Variants in ZFHX3 observed in about 807,000 individuals in gnomAD.
ZFHX3 encodes the protein zinc finger homeobox 3.
ZFHX3 carries 42 observed loss-of-function variants against 279.1 expected under a neutral mutation model. The observed-to-expected ratio is 0.15, with a 90% CI of 0.12 to 0.19. ZFHX3 has a LOEUF of 0.19. ZFHX3 is among the 10% of genes least tolerant of loss of function. The pLI, the probability that ZFHX3 is intolerant of heterozygous loss-of-function variation, is 1.00. For synonymous variants in ZFHX3, 2,293 were observed against 1,957.8 expected (o/e 1.17, Z -4.52); for missense variants, 4,981 against 4,754.0 (o/e 1.05, Z -1.40).
rs899387386 is a variant in ZFHX3 at position 72,908,967 on chromosome 16, C to T, written c.3217-19005G>A. Among the ~76,000 whole-genome samples, 10 of 152,306 alleles carry T rather than the reference C, an allele frequency of 6.6e-5. No homozygotes were observed. The South Asian group carries it at 8.3e-4, about 13-fold the overall frequency. Reference sequence around the variant, plus strand: ...AGCACTGTCCTTCCCATAGAAACGGCGAAAGCTACTCAGTCTGCTGAATAA... The same window carrying T: ...AGCACTGTCCTTCCCATAGAAACGGTGAAAGCTACTCAGTCTGCTGAATAA... On this transcript the variant is annotated intron_variant, in intron 3 of 9. Coordinates refer to ENST00000268489, the MANE Select transcript of ZFHX3 (RefSeq NM_006885.4).
At chr16:73,451,314 C>G (rs1056741548) in intron 3 of ZFHX3, among the ~76,000 whole-genome samples, 1 of 152,196 alleles carries the variant, frequency 6.6e-6, no homozygotes, top group African/African-American at 2.4e-5. Context: ...TGAAGGGCAA[C>G]TAAGAATCGA....
At chr16:73,414,355 A>G (rs899029545) in intron 3 of ZFHX3, among the ~76,000 whole-genome samples, 6 of 152,238 alleles carry the variant, frequency 3.9e-5, no homozygotes, top group Non-Finnish European at 5.9e-5. Flanking sequence ...TATGGAATTC[A>G]CAGTACAGCA....
intron 3 of ZFHX3, among the ~76,000 whole-genome samples, chr16:73,443,968 C>T (rs2018139151): frequency 6.6e-6 from 1 of 151,898 alleles, no homozygotes. Context: ...TTTATGATGC[C>T]CAGGCTGGTC....
At chr16:73,376,261 T>C (rs1355275482) in intron 3 of ZFHX3, among the ~76,000 whole-genome samples, 1 of 152,248 alleles carries the variant, frequency 6.6e-6, no homozygotes, top group Non-Finnish European at 1.5e-5. Flanking sequence ...TGCTGGATCA[T>C]AATTGCTGAA....
intron 2 of ZFHX3, among the ~76,000 whole-genome samples, chr16:73,616,070 T>G (rs1311775745): frequency 6.6e-6 from 1 of 152,004 alleles, no homozygotes; most frequent in Non-Finnish European, 1.5e-5. Flanking sequence ...CGGAGGGTAT[T>G]GTTTTTGATA....
rs1187730091 is a variant in ZFHX3, at chr16:72,794,843, A to T, written c.7839T>A (p.Thr2613=). The T allele has an allele frequency of 3.1e-6, 5 of 1,613,670 alleles. No individual in the cohort carries two copies. In the South Asian group the frequency reaches 4.4e-5, roughly 14 times the overall value. ...SPSTPTSTMN[T]LKRKLEEKAS... ...CCTTTTCCTCCAGCTTCCTCTTGAG[A>T]GTGTTCATTGTGGAGGTTGGAGTTG... Residue 2613 remains threonine, a synonymous_variant, in exon 9 of 10, where the codon ACT becomes ACA. Transcript: ENST00000268489. The surrounding 1 kb of genome is among the most constrained non-coding windows in gnomAD (Gnocchi z 4.2).
At chr16:72,877,958 G>A (rs9935661) in intron 4 of ZFHX3, among the ~76,000 whole-genome samples, 7,561 of 152,212 alleles carry the variant, frequency 0.05, 644 homozygotes, top group African/African-American at 0.17. Flanking sequence ...ACTTTGGGAG[G>A]CTGAGGCAGG....
At chr16:73,721,574 C>T (rs1268793736) in intron 1 of ZFHX3, among the ~76,000 whole-genome samples, 2 of 152,162 alleles carry the variant, frequency 1.3e-5, no homozygotes, top group Non-Finnish European at 2.9e-5. Flanking sequence ...CCCACCCAAG[C>T]CCTCTTCCTA....
chr16:72,793,893 G>T lies in ZFHX3; in HGVS notation c.8789C>A (p.Ala2930Glu). ...ACCAGATTTGCCTGCAGATCCACTC[G>T]CACCAGGACTCGGGGAGCAGGGATC... is the stretch of plus-strand genomic sequence containing the variant. ...LADPCSPSPGASGSAGKSGDS... is the reference protein window; with the variant it reads ...LADPCSPSPGESGSAGKSGDS... Residue 2930 changes from alanine (A) to glutamate (E), a missense_variant, in exon 9 of 10, where the codon GCG becomes GAG. Transcript: ENST00000268489. This position sits in a 1 kb window ranked among gnomAD's most constrained non-coding sequence, Gnocchi z 4.3. 6.2e-7 allele frequency: 1 copy of T among 1,614,178 alleles called. No individual in the cohort carries two copies. Among genetic ancestry groups the T allele is most frequent in the Non-Finnish European group, 8.5e-7 (1 of 1,180,030 alleles).
intron 2 of ZFHX3, among the ~76,000 whole-genome samples, chr16:73,573,031 C>A (rs1231707472): frequency 6.6e-6 from 1 of 152,174 alleles, no homozygotes. Context: ...CATGGTTTAT[C>A]CCTCCGTGAC....
At chr16:73,633,083 AG>A (rs2052492799) in intron 2 of ZFHX3, among the ~76,000 whole-genome samples, 1 of 152,256 alleles carries the variant, frequency 6.6e-6, no homozygotes, top group African/African-American at 2.4e-5. Context: ...CGTCTCAAAA[AG>A]AAAAAAAATA....
At chr16:72,898,083 A>C (rs375452360) in intron 3 of ZFHX3, among the ~76,000 whole-genome samples, 8 of 152,160 alleles carry the variant, frequency 5.3e-5, no homozygotes, top group African/African-American at 1.9e-4. Context: ...TATAGTTCCA[A>C]ATGTAATGTC....
rs555723082 is a variant in ZFHX3 at position 73,165,724 on chromosome 16, T to C, written c.-1103-21893A>G. 2.6e-5 allele frequency among the ~76,000 whole-genome samples: 4 copies of C among 152,158 alleles called. No individual in the cohort carries two copies. The South Asian group carries it at 8.3e-4, about 32-fold the overall frequency. Reference sequence around the variant, plus strand: ...GGGGTAGAGTACGTGTTCCATTACGTCTCTTGGGCTACTCTTACGAGCTGG... The same window carrying C: ...GGGGTAGAGTACGTGTTCCATTACGCCTCTTGGGCTACTCTTACGAGCTGG... On this transcript the variant is annotated intron_variant, in intron 5 of 17. Coordinates refer to the ZFHX3 transcript ENST00000641206.
chr16:72,834,981 C>G lies in ZFHX3; in HGVS notation c.3449-5122G>C, dbSNP rs961260821. Among the ~76,000 whole-genome samples the G allele has an allele frequency of 2.6e-5, 4 of 152,188 alleles. 1 individual carries two copies. On this transcript the variant is annotated intron_variant, in intron 4 of 9. Transcript: ENST00000268489. ...ATAATGCAGATTAATTCAAACCTTC[C>G]CCAAACCTGACAAAGCCCCCATAGT... is the stretch of plus-strand genomic sequence containing the variant.
At chr16:73,043,059 A>G (rs904967391) in intron 1 of ZFHX3, among the ~76,000 whole-genome samples, 8 of 152,008 alleles carry the variant, frequency 5.3e-5, no homozygotes, top group Non-Finnish European at 1.2e-4. Context: ...TAGGGGTGGG[A>G]GTGCGGCAGA....
At chr16:73,127,305 G>A (rs1238522245) in intron 7 of ZFHX3, 10 of 1,281,822 alleles carry the variant, frequency 7.8e-6, no homozygotes, top group Non-Finnish European at 8.2e-6. Context: ...GAGGGAAGAA[G>A]GAAACAGCCT....
At chr16:73,586,344 G>A (rs539524645) in intron 2 of ZFHX3, among the ~76,000 whole-genome samples, 1 of 151,762 alleles carries the variant, frequency 6.6e-6, no homozygotes, top group Admixed American at 6.6e-5. Flanking sequence ...AGCTGAGATC[G>A]CACCACTGCA....
chr16:73,241,844 T>C (rs2144944783), intron 5 of ZFHX3, among the ~76,000 whole-genome samples: 1 of 150,832 alleles, frequency 6.6e-6, no homozygotes, highest in East Asian at 2.0e-4. Context: ...TACTACGTCT[T>C]ATTAAAAGTC....
In ZFHX3 at chr16:72,793,108, C is replaced by G. The variant is rs994387139; in HGVS notation, c.9427+147G>C. ...CAGTACTTGGGAGACTCAACAGGAA[C>G]GAACTGAAGTCTTGTTGCTTTTAAA... is the stretch of plus-strand genomic sequence containing the variant. On this transcript the variant is annotated intron_variant, in intron 9 of 9. Coordinates refer to ENST00000268489, the MANE Select transcript of ZFHX3 (RefSeq NM_006885.4). The surrounding 1 kb of genome is among the most constrained non-coding windows in gnomAD (Gnocchi z 4.3). 5 of 1,416,876 alleles carry G rather than the reference C, an allele frequency of 3.5e-6. No individual in the cohort carries two copies. In the South Asian group the frequency reaches 7.2e-5, roughly 20 times the overall value. The allele number at this position is 1,416,876 out of a possible 1,614,324, so 87.8% of individuals were successfully genotyped here.
Sources: allele counts gnomAD v4.1 joint callset (sites outside exome capture counted in the v4.1 genomes callset), GRCh38; gene constraint gnomAD v4.1.1; non-coding constraint Gnocchi (gnomAD v3.1); transcripts MANE v1.5; gene names NCBI Gene and HGNC (gene_info 2026-07-23, HGNC 2026-07-21).